Variants in ABCA3 observed in about 807,000 individuals in gnomAD.
The protein encoded by ABCA3 is ATP binding cassette subfamily A member 3.
Under a neutral mutation model 172.8 loss-of-function variants are expected in ABCA3, and 88 were observed. That is an observed-to-expected ratio of 0.51 (90% CI 0.43 to 0.61). The LOEUF is 0.61. Ranked by LOEUF, ABCA3 falls within the 20% of genes least tolerant of loss-of-function variation. The probability of loss-of-function intolerance (pLI) is 0.00; values close to 1 mark genes in which losing one functional copy is unlikely to be tolerated. For missense variants in ABCA3, 2,164 were observed against 2,301.0 expected (o/e 0.94, Z 1.22); for synonymous variants, 1,066 against 983.8 (o/e 1.08, Z -1.56).
chr16:2,291,571 AGACCCGTGGCGGGTCTAGGAGG>A (rs2093672056), intron 19 of ABCA3, among the ~76,000 whole-genome samples: 2 of 152,198 alleles, frequency 1.3e-5, no homozygotes, highest in African/African-American at 2.4e-5. Context: ...TGTGCCAGCT[AGACCCGTGGCGGGTCTAGGAGG>A]GACCCCAAGG....
At chr16:2,303,684 C>T (rs964138969) in intron 12 of ABCA3, among the ~76,000 whole-genome samples, 6 of 152,170 alleles carry the variant, frequency 3.9e-5, no homozygotes, top group Non-Finnish European at 8.8e-5. Flanking sequence ...AGGCTGCGTG[C>T]GTGGGTCTTG....
chr16:2,325,789 C>T (rs967471041), intron 5 of ABCA3, among the ~76,000 whole-genome samples: 1 of 152,124 alleles, frequency 6.6e-6, no homozygotes, highest in East Asian at 1.9e-4. Flanking sequence ...TGCTATCGGA[C>T]CCAAAGGAGA....
chr16:2,307,355 C>G (rs2093699483), intron 11 of ABCA3, among the ~76,000 whole-genome samples: 1 of 151,980 alleles, frequency 6.6e-6, no homozygotes, highest in South Asian at 2.1e-4. Context: ...GAGTTCAAGA[C>G]CAGCCTGGCC....
chr16:2,294,980 C>G (rs1252993908), intron 18 of ABCA3, among the ~76,000 whole-genome samples: 2 of 151,952 alleles, frequency 1.3e-5, no homozygotes, highest in Non-Finnish European at 2.9e-5. Flanking sequence ...GAGGCTCCAT[C>G]TCAAAACAAA....
chr16:2,320,221 C>T lies in ABCA3; in HGVS notation c.614-381G>A, dbSNP rs1046924440. Among the ~76,000 whole-genome samples, 4 of 151,850 alleles carry T rather than the reference C, an allele frequency of 2.6e-5. No individual in the cohort carries two copies. The South Asian group carries it at 6.2e-4, about 24-fold the overall frequency. ...TCAAGCGATTCTCCTGCCTCAGCCTCCCGAGTAGCTGGGACTACAGGTGCA... is the reference window on the plus strand; with the variant it reads ...TCAAGCGATTCTCCTGCCTCAGCCTTCCGAGTAGCTGGGACTACAGGTGCA... On this transcript the variant is annotated intron_variant, in intron 7 of 32. Transcript: ENST00000301732.
At position 2,281,537 on chromosome 16, in the gene ABCA3, C is replaced by T. The variant is rs757094339; in HGVS notation, c.4036-28G>A. The T allele has an allele frequency of 1.2e-5, 17 of 1,415,140 alleles. No individual in the cohort carries two copies. In the South Asian group the frequency reaches 1.2e-4, roughly 10 times the overall value. 87.7% of individuals were successfully genotyped at this position (1,415,140 alleles called of 1,614,324 possible). On this transcript the variant is annotated intron_variant, in intron 26 of 32. Coordinates refer to ENST00000301732, the MANE Select transcript of ABCA3 (RefSeq NM_001089.3). This position sits in a 1 kb window ranked among gnomAD's most constrained non-coding sequence, Gnocchi z 4.7. Reference sequence around the variant, plus strand: ...GATTGACCAGGACAAAGACCGCATGCGTGAACCCAGCCGCAGGGCGGCTTC... The same window carrying T: ...GATTGACCAGGACAAAGACCGCATGTGTGAACCCAGCCGCAGGGCGGCTTC...
At chr16:2,340,005 C>A (rs1225062725) in intron 1 of ABCA3, among the ~76,000 whole-genome samples, 1 of 152,238 alleles carries the variant, frequency 6.6e-6, no homozygotes, top group Non-Finnish European at 1.5e-5. Context: ...CAGTGGAGGG[C>A]GCAGCAAACG....
chr16:2,314,956 C>A (rs11866402), intron 10 of ABCA3, among the ~76,000 whole-genome samples: 1 of 149,162 alleles, frequency 6.7e-6, no homozygotes, highest in Non-Finnish European at 1.5e-5. Flanking sequence ...CGGCTCACTG[C>A]AACCTCCGCC....
chr16:2,296,785 A>T (rs2093680434), intron 17 of ABCA3, among the ~76,000 whole-genome samples: 1 of 152,158 alleles, frequency 6.6e-6, no homozygotes, highest in Non-Finnish European at 1.5e-5. Context: ...CTCAGTCACT[A>T]GGGGGCAGAA....
chr16:2,322,468 T>A (rs1472698575), intron 7 of ABCA3, among the ~76,000 whole-genome samples: 1 of 151,494 alleles, frequency 6.6e-6, no homozygotes, highest in Non-Finnish European at 1.5e-5. Flanking sequence ...CATGCTGGTG[T>A]GCTGCACCCA....
chr16:2,305,305 TG>T (rs1187444717), intron 11 of ABCA3, among the ~76,000 whole-genome samples: 4 of 152,082 alleles, frequency 2.6e-5, no homozygotes, highest in African/African-American at 9.7e-5. Flanking sequence ...GGCTAATTTT[TG>T]TATTTTTTTT....
chr16:2,317,522 T>G, intron 9 of ABCA3, 119 bp from the exon 10 acceptor site: 1 of 1,582,714 alleles, frequency 6.3e-7, no homozygotes, highest in Non-Finnish European at 8.7e-7. Flanking sequence ...CATTGACAGC[T>G]CCTCTCCCCC....
Position 2,284,999 on chromosome 16 carries a change from C to T in ABCA3, c.3484-1G>A. The T allele has an allele frequency of 6.2e-7, 1 of 1,612,396 alleles. No homozygotes were observed. Among genetic ancestry groups the T allele is most frequent in the Non-Finnish European group, 8.5e-7 (1 of 1,179,738 alleles). On this transcript the variant is annotated splice_acceptor_variant, in intron 23 of 32. Transcript: ENST00000301732. LOFTEE classifies it high-confidence loss of function. The surrounding 1 kb of genome is among the most constrained non-coding windows in gnomAD (Gnocchi z 5.9). ...GCACGTCGAAGGCCTTAAACACCAC[C>T]TGCGGCGGCACAGGGAGGCGCTGCT...
At chr16:2,300,268 T>C in intron 12 of ABCA3, 120 bp from the exon 13 acceptor site, 1 of 1,414,112 alleles carries the variant, frequency 7.1e-7, no homozygotes. Flanking sequence ...GAGGCACTGC[T>C]GTGGAGAAGG....
At position 2,319,774 on chromosome 16, in the gene ABCA3, G is replaced by A. The variant is rs1567352277; in HGVS notation, c.680C>T (p.Ala227Val). Residue 227 changes from alanine (A) to valine (V), a missense_variant, in exon 8 of 33, where the codon GCC becomes GTC. Ala to Val is a moderately conservative substitution (Grantham distance 64). Around this residue, in one of 3 missense-constraint regions of ABCA3, gnomAD observed 1,343 missense variants for 1,369.6 expected, o/e 0.98. Coordinates refer to ENST00000301732, the MANE Select transcript of ABCA3 (RefSeq NM_001089.3). Reference protein sequence around the residue: ...AVDRAIMEYHADAATRQLFQR... With the variant: ...AVDRAIMEYHVDAATRQLFQR... ...GAACAGCTGGCGTGTGGCGGCATCG[G>A]CATGGTACTCCATGATGGCCCGGTC... 6.2e-7 allele frequency: 1 copy of A among 1,614,030 alleles called. No individual in the cohort carries two copies. The highest frequency in any genetic ancestry group is 8.5e-7 in the Non-Finnish European group (1 of 1,180,028).
Position 2,281,411 on chromosome 16 carries a change from G to A in ABCA3, c.4134C>T (p.His1378=), listed in dbSNP as rs2093654893. Residue 1378 remains histidine (H), a synonymous_variant, in exon 27 of 33, where the codon CAC becomes CAT. Coordinates refer to ENST00000301732, the MANE Select transcript of ABCA3 (RefSeq NM_001089.3). The surrounding 1 kb of genome is among the most constrained non-coding windows in gnomAD (Gnocchi z 4.7). ...AGAGCTCCTTGATAATCAGAGGTGT[G>A]TGGAGCAGGGAGTCCGGACTGGGGG... ...ILAPSPDSLL[H]TPLIIKELSK... 1.9e-6 allele frequency: 3 copies of A among 1,613,658 alleles called. No homozygotes were observed. Among genetic ancestry groups the A allele is most frequent in the Admixed American group, 1.7e-5 (1 of 60,008 alleles).
At chr16:2,333,401 G>A (rs923019436) in intron 1 of ABCA3, among the ~76,000 whole-genome samples, 2 of 152,202 alleles carry the variant, frequency 1.3e-5, no homozygotes, top group Non-Finnish European at 2.9e-5. Flanking sequence ...GGCTCTGCTC[G>A]CTTTGCCACA....
rs2093738014 is a variant in ABCA3, at chr16:2,328,538, T to C, written c.-112A>G. 1 of 514,880 alleles carries C rather than the reference T, an allele frequency of 1.9e-6. No homozygotes were observed. The highest frequency in any genetic ancestry group is 1.4e-5 in the South Asian group (1 of 70,406). 31.9% of individuals were successfully genotyped at this position (514,880 alleles called of 1,614,324 possible). A position where few individuals can be genotyped will look rare whatever the true frequency, so the allele number is the denominator to read the frequency against. On this transcript the variant is annotated 5_prime_UTR_variant, in exon 3 of 33. Coordinates refer to ENST00000301732, the MANE Select transcript of ABCA3 (RefSeq NM_001089.3). Reference sequence around the variant, plus strand: ...GGAGAAACGTGCTCTGAAAACTGAGTGTAAAGAGGGCGAGGTGTGCAGACG... The same window carrying C: ...GGAGAAACGTGCTCTGAAAACTGAGCGTAAAGAGGGCGAGGTGTGCAGACG...
Position 2,278,448 on chromosome 16 carries a change from T to C in ABCA3, c.4558A>G (p.Lys1520Glu). ...KLVRTYSGGN[K>E]RKLSTGIALI... is the part of the protein sequence containing the mutation. ...GCGATGCCGGTGCTCAGCTTCCGCTTGTTACCACCACTAGAGGCAGGAGGG... is the reference window on the plus strand; with the variant it reads ...GCGATGCCGGTGCTCAGCTTCCGCTCGTTACCACCACTAGAGGCAGGAGGG... Residue 1520 changes from lysine to glutamate, a missense_variant, in exon 30 of 33, where the codon AAG (lysine) becomes GAG (glutamate). Coordinates refer to ENST00000301732, the MANE Select transcript of ABCA3 (RefSeq NM_001089.3). This position sits in a 1 kb window ranked among gnomAD's most constrained non-coding sequence, Gnocchi z 4.4. 6.2e-7 allele frequency: 1 copy of C among 1,612,286 alleles called. No individual in the cohort carries two copies. The highest frequency in any genetic ancestry group is 8.5e-7 in the Non-Finnish European group (1 of 1,180,008).
Sources: gnomAD v4.1 joint callset for allele counts (sites outside exome capture counted in the v4.1 genomes callset) on GRCh38, gnomAD v4.1.1 for gene constraint, gnomAD v4.1.1 regional missense constraint, Gnocchi (gnomAD v3.1) non-coding constraint, MANE v1.5 for transcripts, NCBI Gene and HGNC (gene_info 2026-07-23, HGNC 2026-07-21) for gene names.